Variants in CLDN14 observed in about 807,000 individuals in gnomAD.
CLDN14 encodes claudin 14.
In CLDN14, 2 loss-of-function variants were observed where a neutral mutation model predicts 2.1. The observed-to-expected ratio is 0.96, with a 90% CI of 0.39 to 3.01. The LOEUF is 3.01. CLDN14 is among the 30% of genes most tolerant of loss of function. CLDN14 has a pLI of 0.09. For missense variants in CLDN14, 298 were observed against 328.0 expected, an observed-to-expected ratio of 0.91 and a Z score of 0.71; for synonymous variants, 136 against 154.4, an observed-to-expected ratio of 0.88 and a Z score of 0.88.
intron 1 of CLDN14, among the ~76,000 whole-genome samples, chr21:36,543,845 C>G (rs1413734528): frequency 1.3e-5 from 2 of 152,210 alleles, no homozygotes; most frequent in African/African-American, 4.8e-5. Flanking sequence ...TAAGGAGCTT[C>G]TGACACGTAA....
chr21:36,473,715 G>A (rs772590797), intron 1 of CLDN14, among the ~76,000 whole-genome samples: 11 of 152,216 alleles, frequency 7.2e-5, no homozygotes, highest in Non-Finnish European at 1.5e-4. Context: ...AGGAGGGAAC[G>A]TTAGATAGAG....
chr21:36,491,115 T>C (rs926366563), intron 2 of CLDN14, among the ~76,000 whole-genome samples: 1 of 152,196 alleles, frequency 6.6e-6, no homozygotes, highest in Non-Finnish European at 1.5e-5. Flanking sequence ...TCTCCTCCCC[T>C]GTTTTTAGTA....
At chr21:36,472,700 G>A (rs1023506346) in intron 1 of CLDN14, among the ~76,000 whole-genome samples, 5 of 152,234 alleles carry the variant, frequency 3.3e-5, no homozygotes, top group East Asian at 1.9e-4. Context: ...TCACAATTCC[G>A]GAGGCTGGAA....
chr21:36,475,168 G>A (rs370579309), intron 1 of CLDN14, among the ~76,000 whole-genome samples: 1 of 152,200 alleles, frequency 6.6e-6, no homozygotes, highest in East Asian at 1.9e-4. Flanking sequence ...CAACTGCACT[G>A]CGAGGGTCCC....
At chr21:36,532,608 T>C (rs2087390435) in intron 1 of CLDN14, among the ~76,000 whole-genome samples, 1 of 150,334 alleles carries the variant, frequency 6.7e-6, no homozygotes, top group Non-Finnish European at 1.5e-5. Flanking sequence ...ATAATAAAAT[T>C]AAAAAAAAAG....
chr21:36,485,544 TTC>T (rs146102381), intron 2 of CLDN14, among the ~76,000 whole-genome samples: 11,764 of 152,268 alleles, frequency 0.077, 594 homozygotes, highest in Middle Eastern at 0.15. Context: ...GACGGATCAC[TTC>T]TGTCACCAGC....
Position 36,479,580 on chromosome 21 carries a change from A to G in CLDN14, c.-167T>C, listed in dbSNP as rs1401868221. On this transcript the variant is annotated 5_prime_UTR_variant, in exon 1 of 2. It removes an upstream start codon present in the reference 5' UTR. Coordinates refer to ENST00000399135, the MANE Select transcript of CLDN14 (RefSeq NM_001146079.2). ...GGAGCCTGGCTGGACTCCAGCTCCC[A>G]TGTGCAAGAGGACTCAGCCGGGACG... is the stretch of plus-strand genomic sequence containing the variant. The G allele has an allele frequency of 6.6e-6, 1 of 151,602 alleles. No homozygotes were observed. The highest frequency in any genetic ancestry group is 1.5e-5 in the Non-Finnish European group (1 of 67,998). 9.4% of individuals were successfully genotyped at this position (151,602 alleles called of 1,614,324 possible). A position where few individuals can be genotyped will look rare whatever the true frequency, so the allele number is the denominator to read the frequency against.
At chr21:36,492,853 T>C (rs2086982048) in intron 2 of CLDN14, among the ~76,000 whole-genome samples, 1 of 151,964 alleles carries the variant, frequency 6.6e-6, no homozygotes, top group Non-Finnish European at 1.5e-5. Context: ...CTTCAGAGGG[T>C]CGTGGCCCTG....
chr21:36,547,015 C>A (rs754121068), intron 1 of CLDN14, among the ~76,000 whole-genome samples: 11 of 152,190 alleles, frequency 7.2e-5, no homozygotes, highest in Non-Finnish European at 1.5e-4. Flanking sequence ...CTACAACGCA[C>A]AGGACAATCC....
intron 1 of CLDN14, among the ~76,000 whole-genome samples, chr21:36,546,225 A>G (rs1294554154): frequency 6.6e-6 from 1 of 152,186 alleles, no homozygotes; most frequent in Non-Finnish European, 1.5e-5. Flanking sequence ...ACCTACTTCT[A>G]AAGAATATTT....
intron 1 of CLDN14, among the ~76,000 whole-genome samples, chr21:36,472,497 T>C (rs2086722090): frequency 6.6e-6 from 1 of 152,236 alleles, no homozygotes; most frequent in Admixed American, 6.5e-5. Flanking sequence ...AACACTATTC[T>C]TCATGTTTCT....
intron 2 of CLDN14, chr21:36,510,259 G>A (rs999127747): frequency 2.0e-5 from 3 of 152,174 alleles, no homozygotes; most frequent in South Asian, 2.1e-4. Flanking sequence ...GGCCAGTTCC[G>A]TTTTGACTAG....
rs544607817 is a variant in CLDN14, at chr21:36,469,037, G to A, written c.-81-7261C>T. On this transcript the variant is annotated intron_variant, in intron 1 of 1. Transcript: ENST00000399135. ...TGCCTCCCAAAGTGCTAGGATTACA[G>A]GTGTGAGCCACTGTGCCCGGACTCA... Among the ~76,000 whole-genome samples the A allele has an allele frequency of 1.1e-3, 164 of 152,264 alleles. 1 individual carries two copies. The highest frequency in any genetic ancestry group is 3.8e-3 in the African/African-American group (156 of 41,560).
At chr21:36,513,929 T>C (rs1255006667) in intron 1 of CLDN14, among the ~76,000 whole-genome samples, 1 of 152,194 alleles carries the variant, frequency 6.6e-6, no homozygotes, top group East Asian at 1.9e-4. Flanking sequence ...CCTCCCGGGC[T>C]CAAGCAATCG....
At chr21:36,526,613 G>C (rs2087332539) in intron 1 of CLDN14, 1 of 152,160 alleles carries the variant, frequency 6.6e-6, no homozygotes, top group Non-Finnish European at 1.5e-5. Flanking sequence ...CAATGGAGTA[G>C]AGAAAACAAA....
intron 2 of CLDN14, among the ~76,000 whole-genome samples, chr21:36,491,133 T>G (rs891829575): frequency 4.6e-5 from 7 of 152,142 alleles, no homozygotes; most frequent in African/African-American, 1.7e-4. Flanking sequence ...GTACAAAACA[T>G]GAGTCAACGG....
At chr21:36,464,319 C>T (rs2086618270) in intron 1 of CLDN14, among the ~76,000 whole-genome samples, 1 of 152,212 alleles carries the variant, frequency 6.6e-6, no homozygotes, top group African/African-American at 2.4e-5. Context: ...ATAAATTAAC[C>T]AGTCTCAGGT....
chr21:36,509,359 T>C (rs1210910796), intron 2 of CLDN14, among the ~76,000 whole-genome samples: 3 of 151,614 alleles, frequency 2.0e-5, no homozygotes, highest in African/African-American at 7.3e-5. Flanking sequence ...AGGAGAAGGG[T>C]AGATGTTTGG....
chr21:36,560,506 G>A (rs2087626740), intron 1 of CLDN14, among the ~76,000 whole-genome samples: 1 of 152,152 alleles, frequency 6.6e-6, no homozygotes, highest in South Asian at 2.1e-4. Context: ...TGCATATCAT[G>A]TGATTTTTAT....
Sources: gnomAD v4.1 joint callset for allele counts (sites outside exome capture counted in the v4.1 genomes callset) on GRCh38, gnomAD v4.1.1 for gene constraint, MANE v1.5 for transcripts, NCBI Gene and HGNC (gene_info 2026-07-23, HGNC 2026-07-21) for gene names.